The following SENP7 variants were observed in gnomAD, a reference collection of about 807,000 sequenced individuals.
SENP7 encodes sentrin-specific protease 7.
Under a neutral mutation model 141.2 loss-of-function variants are expected in SENP7, and 64 were observed. The observed-to-expected ratio is 0.45, with a 90% CI of 0.37 to 0.56. The LOEUF (loss-of-function observed/expected upper bound fraction) is 0.56. Ranked by LOEUF, SENP7 falls within the 20% of genes least tolerant of loss-of-function variation. The pLI, the probability that SENP7 is intolerant of heterozygous loss-of-function variation, is 0.00. For missense variants in SENP7, 1,025 were observed against 1,212.2 expected (o/e 0.85, Z 2.29); for synonymous variants, 382 against 426.4 (o/e 0.90, Z 1.28).
At chr3:101,418,971 G>A (rs2061705402) in intron 4 of SENP7, among the ~76,000 whole-genome samples, 1 of 152,110 alleles carries the variant, frequency 6.6e-6, no homozygotes, top group African/African-American at 2.4e-5. Context: ...AAATAGTTGA[G>A]TTTTTGCCTT....
At chr3:101,483,617 G>T (rs2064598701) in intron 3 of SENP7, among the ~76,000 whole-genome samples, 1 of 152,184 alleles carries the variant, frequency 6.6e-6, no homozygotes, top group Non-Finnish European at 1.5e-5. Flanking sequence ...GAGTCTGAAA[G>T]TTCAAATTAT....
chr3:101,435,977 G>A (rs1372908211), intron 4 of SENP7, among the ~76,000 whole-genome samples: 2 of 152,036 alleles, frequency 1.3e-5, no homozygotes, highest in African/African-American at 2.4e-5. Context: ...GCTATCTTGA[G>A]CAAAAAGAAC....
chr3:101,325,728 CTAGT>C lies in SENP7; in HGVS notation c.*211_*214del, dbSNP rs1202065201. On this transcript the variant is annotated 3_prime_UTR_variant, in exon 24 of 24. Transcript: ENST00000394095. ...ATATTTATAAAATTTTAATTTATATCTAGTAAGTTTATCTATATCACCCCCATTC... is the reference window on the plus strand; with the variant it reads ...ATATTTATAAAATTTTAATTTATATCAAGTTTATCTATATCACCCCCATTC... 3.1e-6 allele frequency: 1 copy of C among 317,818 alleles called. No homozygotes were observed. The highest frequency in any genetic ancestry group is 5.6e-6 in the Non-Finnish European group (1 of 177,528). The allele number at this position is 317,818 out of a possible 1,614,324, so 19.7% of individuals were successfully genotyped here.
chr3:101,438,638 A>G (rs954629716), intron 4 of SENP7, among the ~76,000 whole-genome samples: 1 of 152,262 alleles, frequency 6.6e-6, no homozygotes, highest in Non-Finnish European at 1.5e-5. Flanking sequence ...ACACTTGTCC[A>G]AAAGCATACA....
At chr3:101,353,482 A>C (rs1445947560) in intron 11 of SENP7, among the ~76,000 whole-genome samples, 1 of 152,020 alleles carries the variant, frequency 6.6e-6, no homozygotes, top group African/African-American at 2.4e-5. Context: ...ACCTCTCCAG[A>C]GTTAAAACCC....
chr3:101,331,850 GA>G, intron 19 of SENP7, 134 bp downstream of exon 19: 1 of 860,232 alleles, frequency 1.2e-6, no homozygotes, highest in Non-Finnish European at 1.7e-6. Context: ...AAAAATTTCA[GA>G]TTTTTTATTC....
intron 3 of SENP7, among the ~76,000 whole-genome samples, chr3:101,489,162 G>A (rs764783619): frequency 1.8e-4 from 28 of 152,104 alleles, no homozygotes; most frequent in Non-Finnish European, 3.7e-4. Flanking sequence ...GGTCCTTAAG[G>A]GAGTACTAAA....
At chr3:101,421,625 T>C (rs943724453) in intron 4 of SENP7, among the ~76,000 whole-genome samples, 1 of 152,232 alleles carries the variant, frequency 6.6e-6, no homozygotes, top group African/African-American at 2.4e-5. Context: ...ATTATTCTAA[T>C]AGTGAGGCTC....
intron 4 of SENP7, among the ~76,000 whole-genome samples, chr3:101,454,426 C>T (rs1363031483): frequency 2.6e-5 from 4 of 152,124 alleles, no homozygotes; most frequent in East Asian, 1.9e-4. Flanking sequence ...GCGGGAGGAT[C>T]GCTTGAGCCT....
intron 4 of SENP7, among the ~76,000 whole-genome samples, chr3:101,440,577 A>T (rs1219469013): frequency 7.4e-6 from 1 of 134,982 alleles, no homozygotes; most frequent in Non-Finnish European, 1.5e-5. Context: ...ATAAAAAAAT[A>T]AATTAAAAAA....
At chr3:101,355,425 A>G (rs546720821) in intron 11 of SENP7, among the ~76,000 whole-genome samples, 25 of 152,338 alleles carry the variant, frequency 1.6e-4, no homozygotes, top group Admixed American at 1.4e-3. Flanking sequence ...AGTCTTCTGC[A>G]TATGGCTAGC....
intron 2 of SENP7, among the ~76,000 whole-genome samples, chr3:101,498,221 T>A (rs1330842898): frequency 1.3e-5 from 2 of 152,172 alleles, no homozygotes; most frequent in African/African-American, 4.8e-5. Flanking sequence ...AAACAAAAGT[T>A]TGAGAAGAAA....
intron 6 of SENP7, among the ~76,000 whole-genome samples, chr3:101,377,419 A>G (rs574427837): frequency 2.0e-5 from 3 of 152,284 alleles, no homozygotes; most frequent in South Asian, 4.1e-4. Flanking sequence ...CTAAACTGCA[A>G]TTGACAAATT....
At chr3:101,408,247 T>C (rs530546964) in intron 5 of SENP7, among the ~76,000 whole-genome samples, 1 of 152,152 alleles carries the variant, frequency 6.6e-6, no homozygotes, top group East Asian at 1.9e-4. Context: ...TTAGGTACCC[T>C]GAACAGACCA....
At chr3:101,509,053 A>C (rs1009139475) in intron 1 of SENP7, among the ~76,000 whole-genome samples, 6 of 151,960 alleles carry the variant, frequency 3.9e-5, no homozygotes, top group Non-Finnish European at 8.8e-5. Context: ...ATATCTCACC[A>C]AACTGTTCTT....
chr3:101,380,024 T>C (rs540831114), intron 6 of SENP7, among the ~76,000 whole-genome samples: 13 of 152,152 alleles, frequency 8.5e-5, no homozygotes, highest in African/African-American at 1.9e-4. Flanking sequence ...TGCTGCAACA[T>C]AGATGAACTT....
chr3:101,454,357 G>C (rs979997438), intron 4 of SENP7, among the ~76,000 whole-genome samples: 2 of 151,752 alleles, frequency 1.3e-5, no homozygotes, highest in African/African-American at 4.8e-5. Flanking sequence ...ACAAAAAACA[G>C]AATAATTGGC....
intron 5 of SENP7, among the ~76,000 whole-genome samples, chr3:101,401,096 CA>C (rs36081020): frequency 0.42 from 55,018 of 130,220 alleles, 10,532 homozygotes; most frequent in Admixed American, 0.56. Flanking sequence ...GTCCTTGTCT[CA>C]AAAAAAAAAA....
intron 5 of SENP7, among the ~76,000 whole-genome samples, chr3:101,409,122 T>C (rs771592132): frequency 1.1e-4 from 16 of 152,152 alleles, no homozygotes; most frequent in Non-Finnish European, 1.9e-4. Flanking sequence ...TCAGCAGCTC[T>C]TCTATACACC....
Sources: allele counts gnomAD v4.1 joint callset (sites outside exome capture counted in the v4.1 genomes callset), GRCh38; gene constraint gnomAD v4.1.1; transcripts MANE v1.5; gene names NCBI Gene and HGNC (gene_info 2026-07-23, HGNC 2026-07-21).